The following LRRC4C variants were observed in gnomAD, a reference collection of about 807,000 sequenced individuals.
The protein encoded by LRRC4C is leucine rich repeat containing 4C, also known as leucine-rich repeat-containing protein 4C.
A neutral mutation model predicts 33.6 loss-of-function variants in LRRC4C; 5 were observed. The ratio of observed to expected loss-of-function variants is 0.15; its 90% confidence interval spans 0.08 to 0.31. LRRC4C has a LOEUF of 0.31. Among genes scored for constraint, LRRC4C ranks in the 10% least tolerant of loss-of-function variants. LRRC4C has a pLI of 1.00. For synonymous variants in LRRC4C, 329 were observed against 302.0 expected, an observed-to-expected ratio of 1.09 and a Z score of -0.93; for missense variants, 560 against 796.7, an observed-to-expected ratio of 0.70 and a Z score of 3.58.
chr11:40,284,143 G>C (rs573168003), intron 4 of LRRC4C, among the ~76,000 whole-genome samples: 2 of 152,284 alleles, frequency 1.3e-5, no homozygotes, highest in South Asian at 2.1e-4. Flanking sequence ...TAGGGGAGCT[G>C]GGAAAGATGT....
chr11:40,541,587 G>A (rs1166902649), intron 3 of LRRC4C, among the ~76,000 whole-genome samples: 1 of 152,154 alleles, frequency 6.6e-6, no homozygotes, highest in African/African-American at 2.4e-5. Context: ...CAGTCCCAAT[G>A]TTCTGCTGCA....
intron 1 of LRRC4C, among the ~76,000 whole-genome samples, chr11:41,398,276 G>A (rs1192392637): frequency 6.6e-6 from 1 of 151,836 alleles, no homozygotes; most frequent in African/African-American, 2.4e-5. Context: ...CTTTTTTTAA[G>A]TTTTATTTTC....
intron 5 of LRRC4C, among the ~76,000 whole-genome samples, chr11:40,154,133 C>T (rs1858460017): frequency 6.6e-6 from 1 of 152,088 alleles, no homozygotes; most frequent in African/African-American, 2.4e-5. Flanking sequence ...TATCTTCACC[C>T]TTCTCAAACA....
intron 2 of LRRC4C, among the ~76,000 whole-genome samples, chr11:40,873,455 T>C (rs1439375864): frequency 6.6e-6 from 1 of 152,122 alleles, no homozygotes; most frequent in African/African-American, 2.4e-5. Flanking sequence ...ACAGTAGCTG[T>C]ACTCACAATT....
At chr11:41,177,664 AG>A (rs770717207) in intron 1 of LRRC4C, among the ~76,000 whole-genome samples, 5 of 152,212 alleles carry the variant, frequency 3.3e-5, no homozygotes, top group Non-Finnish European at 7.3e-5. Context: ...CCCTGCAATC[AG>A]AAGTGGGTTA....
At chr11:40,492,043 A>G (rs1200305890) in intron 3 of LRRC4C, among the ~76,000 whole-genome samples, 1 of 152,178 alleles carries the variant, frequency 6.6e-6, no homozygotes, top group Non-Finnish European at 1.5e-5. Context: ...TTGCACATAC[A>G]CCTAATTTTT....
chr11:40,718,347 T>C (rs903011296), intron 2 of LRRC4C, among the ~76,000 whole-genome samples: 3 of 152,124 alleles, frequency 2.0e-5, no homozygotes, highest in Non-Finnish European at 4.4e-5. Context: ...AAACAAAAAT[T>C]ATCCATCCCC....
In LRRC4C at chr11:41,325,575, TTTTGTGTG is replaced by T. The variant is rs1416817214; in HGVS notation, c.-496+133848_-496+133855del. Among the ~76,000 whole-genome samples, 70 of 117,542 alleles carry T rather than the reference TTTTGTGTG, an allele frequency of 6.0e-4. 1 individual carries two copies. In the East Asian group the frequency reaches 6.0e-3, roughly 10 times the overall value. The allele number at this position is 117,542 out of a possible 152,430, so 77.1% of individuals were successfully genotyped here. On this transcript the variant is annotated intron_variant, in intron 1 of 6. Coordinates refer to ENST00000528697, the MANE Select transcript of LRRC4C (RefSeq NM_001258419.2). The stretch of plus-strand genomic sequence containing the variant: ...AATTATTGTCCTTATAGTTTTTTTT[TTTTGTGTG>T]TGTGTGTGTGTGTGTGTGTGTGTGT...
intron 1 of LRRC4C, among the ~76,000 whole-genome samples, chr11:41,317,247 G>A (rs1302705887): frequency 9.7e-6 from 1 of 103,392 alleles, no homozygotes; most frequent in Non-Finnish European, 2.2e-5. Context: ...ATAAGCCACT[G>A]ATTTTTTTTT....
intron 3 of LRRC4C, among the ~76,000 whole-genome samples, chr11:40,324,675 T>A (rs1946011021): frequency 6.6e-6 from 1 of 152,218 alleles, no homozygotes; most frequent in Admixed American, 6.5e-5. Context: ...AAAGAACAAT[T>A]CTTGAGAAAC....
chr11:40,484,813 AAAT>A (rs1404537118), intron 3 of LRRC4C, among the ~76,000 whole-genome samples: 1 of 152,138 alleles, frequency 6.6e-6, no homozygotes, highest in Non-Finnish European at 1.5e-5. Flanking sequence ...TCCTGCTAAG[AAAT>A]AATAAACTTT....
chr11:40,813,618 A>G (rs1951584145), intron 2 of LRRC4C, among the ~76,000 whole-genome samples: 2 of 152,124 alleles, frequency 1.3e-5, no homozygotes, highest in Admixed American at 1.3e-4. Context: ...CCTTCCCAAT[A>G]GTCCCCAAAG....
intron 1 of LRRC4C, among the ~76,000 whole-genome samples, chr11:40,989,742 G>T (rs190801792): frequency 2.0e-5 from 3 of 152,168 alleles, no homozygotes; most frequent in African/African-American, 7.2e-5. Context: ...TGCAGTGGTA[G>T]TTGTTTTCAC....
intron 1 of LRRC4C, among the ~76,000 whole-genome samples, chr11:41,334,410 T>C (rs1293588626): frequency 1.3e-5 from 2 of 152,178 alleles, no homozygotes; most frequent in Non-Finnish European, 2.9e-5. Flanking sequence ...TCTCCTTTAC[T>C]CTCTATTTTC....
intron 3 of LRRC4C, among the ~76,000 whole-genome samples, chr11:40,595,178 G>A (rs965577668): frequency 3.3e-5 from 5 of 151,746 alleles, no homozygotes; most frequent in East Asian, 1.9e-4. Context: ...AGAAGGAGAC[G>A]TATTTATTAA....
rs188464220 is a variant in LRRC4C at position 40,766,741 on chromosome 11, C to T, written c.-406-118463G>A. Among the ~76,000 whole-genome samples the T allele has an allele frequency of 5.7e-4, 87 of 151,740 alleles. 1 individual carries two copies. Among genetic ancestry groups the T allele is most frequent in the Non-Finnish European group, 9.3e-4 (63 of 67,930 alleles). On this transcript the variant is annotated intron_variant, in intron 2 of 6. Transcript: ENST00000528697. ...ATTAAAGGCTTTAAGATATTTTCTG[C>T]AAACCTCATGGTAAATTCAAATAAA...
rs189041558 is a variant in LRRC4C, at chr11:40,118,696, T to C, written c.-42-2362A>G. ...ATCCAGGGAACAGTAAAAAGTACCC[T>C]CTATCAAGAGAATGGAAGGCCTGAG... On this transcript the variant is annotated intron_variant, in intron 6 of 6. Transcript: ENST00000528697. Among the ~76,000 whole-genome samples the C allele has an allele frequency of 3.9e-5, 6 of 152,120 alleles. No homozygotes were observed. In the East Asian group the frequency reaches 1.2e-3, roughly 29 times the overall value.
chr11:40,940,928 T>C (rs1354175309), intron 1 of LRRC4C, among the ~76,000 whole-genome samples: 1 of 145,124 alleles, frequency 6.9e-6, no homozygotes, highest in Non-Finnish European at 1.5e-5. Context: ...ACAAAATCTT[T>C]TTTTTTTTTT....
chr11:40,197,494 C>A (rs979816081), intron 5 of LRRC4C, among the ~76,000 whole-genome samples: 1 of 152,186 alleles, frequency 6.6e-6, no homozygotes, highest in African/African-American at 2.4e-5. Context: ...GAGTTGAGGG[C>A]CTTACAGCTC....
Sources: allele counts gnomAD v4.1 joint callset (sites outside exome capture counted in the v4.1 genomes callset), GRCh38; gene constraint gnomAD v4.1.1; transcripts MANE v1.5; gene names NCBI Gene and HGNC (gene_info 2026-07-23, HGNC 2026-07-21).